The following C12orf42 variants were observed in gnomAD, a reference collection of about 807,000 sequenced individuals.
C12orf42 encodes chromosome 12 open reading frame 42.
In C12orf42, 25 loss-of-function variants were observed where a neutral mutation model predicts 21.6. That is an observed-to-expected ratio of 1.16 (90% CI 0.84 to 1.62). The LOEUF (loss-of-function observed/expected upper bound fraction) is 1.62, where lower values mean the gene tolerates loss of function less well. Among genes scored for constraint, C12orf42 ranks in the 40% most tolerant of loss-of-function variants. C12orf42 has a pLI of 0.00. For missense variants in C12orf42, 483 were observed against 459.3 expected (o/e 1.05, Z -0.47); for synonymous variants, 174 against 175.0 (o/e 0.99, Z 0.05).
the C12orf42 span, among the ~76,000 whole-genome samples, chr12:103,552,935 A>G: frequency 1.3e-5 from 2 of 152,068 alleles, no homozygotes. Context: ...TTATAAAACC[A>G]TCAGATCTTA....
chr12:103,080,226 T>C, the C12orf42 span, among the ~76,000 whole-genome samples: 1 of 152,136 alleles, frequency 6.6e-6, no homozygotes, highest in African/African-American at 2.4e-5. Context: ...TAAATTACGG[T>C]ATGGCGAGTC....
intron 2 of C12orf42, among the ~76,000 whole-genome samples, chr12:103,418,247 A>AACACAGGTGTT (rs1191600519): frequency 1.3e-5 from 2 of 152,188 alleles, no homozygotes; most frequent in Non-Finnish European, 1.5e-5. Flanking sequence ...TCAATTCGTG[A>AACACAGGTGTT]ACACAGGTGT....
chr12:103,426,990 G>A (rs1227529065), intron 2 of C12orf42, among the ~76,000 whole-genome samples: 1 of 152,110 alleles, frequency 6.6e-6, no homozygotes, highest in Non-Finnish European at 1.5e-5. Flanking sequence ...ACCAGTACCA[G>A]CCACTGCAAA....
chr12:103,316,145 GTA>G (rs138297883), intron 4 of C12orf42, among the ~76,000 whole-genome samples: 3 of 148,740 alleles, frequency 2.0e-5, no homozygotes. Context: ...ATATAGTACT[GTA>G]TATATATATA....
At chr12:103,216,732 T>C in the C12orf42 span, among the ~76,000 whole-genome samples, 1 of 152,144 alleles carries the variant, frequency 6.6e-6, no homozygotes, top group Non-Finnish European at 1.5e-5. Context: ...TGTGTCATTT[T>C]GGTCCCATTT....
At chr12:103,061,655 T>C in the C12orf42 span, among the ~76,000 whole-genome samples, 16 of 152,024 alleles carry the variant, frequency 1.1e-4, no homozygotes, top group Non-Finnish European at 1.9e-4. Context: ...AATTTTTTTG[T>C]TATAAAGTAT....
chr12:103,049,264 C>G, the C12orf42 span, among the ~76,000 whole-genome samples: 6 of 152,182 alleles, frequency 3.9e-5, no homozygotes, highest in Non-Finnish European at 8.8e-5. Context: ...TTTCAGTGAA[C>G]AACAAGCTCA....
intron 2 of C12orf42, among the ~76,000 whole-genome samples, chr12:103,464,515 T>C (rs370285965): frequency 2.6e-5 from 4 of 152,204 alleles, no homozygotes; most frequent in Admixed American, 1.3e-4. Flanking sequence ...TTCTGTAGAT[T>C]GTCTGTTCAC....
the C12orf42 span, chr12:103,505,277 CTCACATCAAGGGT>C: frequency 4.0e-6 from 1 of 250,282 alleles, no homozygotes; most frequent in African/African-American, 2.3e-5. Flanking sequence ...GCAGACTCCC[CTCACATCAAGGGT>C]TCACAGTGCA....
the C12orf42 span, among the ~76,000 whole-genome samples, chr12:103,192,745 G>A: frequency 6.6e-6 from 1 of 152,126 alleles, no homozygotes; most frequent in Non-Finnish European, 1.5e-5. Context: ...AGTACGGAAA[G>A]CGAAGATTGA....
In C12orf42 at chr12:103,302,047, G is replaced by C. The variant is rs947023580; in HGVS notation, c.*61C>G. On this transcript the variant is annotated 3_prime_UTR_variant, in exon 6 of 6. Coordinates refer to ENST00000548883, the MANE Select transcript of C12orf42 (RefSeq NM_198521.5). ...CAGTACATCTGAGGCCCTTTCTGTT[G>C]TTCTGAGCAGGCATTGATTTGAAGA... 1.3e-6 allele frequency: 2 copies of C among 1,523,914 alleles called. No homozygotes were observed. Among genetic ancestry groups the C allele is most frequent in the Admixed American group, 1.9e-5 (1 of 52,880 alleles). The allele number at this position is 1,523,914 out of a possible 1,614,324, so 94.4% of individuals were successfully genotyped here.
chr12:103,303,288 A>G (rs1052993414), intron 5 of C12orf42, among the ~76,000 whole-genome samples: 12 of 151,906 alleles, frequency 7.9e-5, no homozygotes, highest in South Asian at 2.1e-4. Context: ...CTACATTTTC[A>G]TATGTATATA....
At chr12:103,448,547 A>G (rs895210245) in intron 2 of C12orf42, among the ~76,000 whole-genome samples, 2 of 152,072 alleles carry the variant, frequency 1.3e-5, no homozygotes. Flanking sequence ...ACATGTGACA[A>G]AGGACTAATA....
At chr12:103,170,312 C>T in the C12orf42 span, among the ~76,000 whole-genome samples, 1 of 152,082 alleles carries the variant, frequency 6.6e-6, no homozygotes, top group Admixed American at 6.6e-5. Context: ...GATGTCTAGC[C>T]TTACATGTAG....
the C12orf42 span, among the ~76,000 whole-genome samples, chr12:103,071,268 C>G: frequency 2.7e-3 from 413 of 152,162 alleles, 1 homozygote; most frequent in African/African-American, 9.6e-3. Context: ...CAGAACTACA[C>G]AAAAAGTTTA....
chr12:103,066,971 G>A, the C12orf42 span, among the ~76,000 whole-genome samples: 1 of 152,178 alleles, frequency 6.6e-6, no homozygotes, highest in Non-Finnish European at 1.5e-5. Flanking sequence ...TGGCAGGGAT[G>A]GAGGTTTCAC....
chr12:103,428,282 G>C (rs1463212974), intron 2 of C12orf42, among the ~76,000 whole-genome samples: 1 of 151,924 alleles, frequency 6.6e-6, no homozygotes, highest in Non-Finnish European at 1.5e-5. Flanking sequence ...GATGATAAAG[G>C]GGATATCACC....
At chr12:103,064,723 T>C in the C12orf42 span, among the ~76,000 whole-genome samples, 1 of 152,166 alleles carries the variant, frequency 6.6e-6, no homozygotes. Context: ...ACCTTTGGCC[T>C]TTTACCAGGG....
intron 4 of C12orf42, among the ~76,000 whole-genome samples, chr12:103,318,410 A>G (rs555754945): frequency 2.6e-5 from 4 of 152,306 alleles, no homozygotes; most frequent in African/African-American, 9.6e-5. Flanking sequence ...CAATCTTATT[A>G]TAGAATACCC....
Sources: allele counts gnomAD v4.1 joint callset (sites outside exome capture counted in the v4.1 genomes callset), GRCh38; gene constraint gnomAD v4.1.1; transcripts MANE v1.5; gene names NCBI Gene and HGNC (gene_info 2026-07-23, HGNC 2026-07-21).